Variants in SNX29 observed in about 807,000 individuals in gnomAD.
SNX29 encodes sorting nexin 29.
SNX29 carries 78 observed loss-of-function variants against 102.1 expected under a neutral mutation model. The ratio of observed to expected loss-of-function variants is 0.76; its 90% CI spans 0.64 to 0.92. The LOEUF (loss-of-function observed/expected upper bound fraction) is 0.92. Ranked by LOEUF, SNX29 falls within the 40% of genes least tolerant of loss-of-function variation. The pLI is 0.00. For synonymous variants in SNX29, 580 were observed against 414.5 expected, an observed-to-expected ratio of 1.40 and a Z score of -4.85; for missense variants, 1,280 against 1,061.7, an observed-to-expected ratio of 1.21 and a Z score of -2.86.
intron 19 of SNX29, among the ~76,000 whole-genome samples, chr16:12,501,521 A>T: frequency 6.6e-6 from 1 of 152,150 alleles, no homozygotes; most frequent in Non-Finnish European, 1.5e-5. Flanking sequence ...CAGGAGTTCA[A>T]GACCAGCCTG....
At chr16:11,995,641 A>T (rs1251229519) in intron 1 of SNX29, among the ~76,000 whole-genome samples, 2 of 142,256 alleles carry the variant, frequency 1.4e-5, no homozygotes, top group Non-Finnish European at 3.0e-5. Context: ...AGAGCAAAAT[A>T]CTCTTAAAAA....
chr16:12,060,574 G>T (rs1162799520), intron 8 of SNX29, among the ~76,000 whole-genome samples: 1 of 152,226 alleles, frequency 6.6e-6, no homozygotes, highest in African/African-American at 2.4e-5. Flanking sequence ...CTGTACTCCA[G>T]TGTGGACAAC....
At chr16:12,348,753 C>T (rs2081904604) in intron 15 of SNX29, among the ~76,000 whole-genome samples, 1 of 152,194 alleles carries the variant, frequency 6.6e-6, no homozygotes, top group Non-Finnish European at 1.5e-5. Context: ...AGTTCTGCTG[C>T]TTACTTCCTG....
chr16:12,445,372 C>T (rs2086003674), intron 18 of SNX29, among the ~76,000 whole-genome samples: 1 of 152,134 alleles, frequency 6.6e-6, no homozygotes, highest in Non-Finnish European at 1.5e-5. Flanking sequence ...CTCCTGTATG[C>T]TGAGCCGTCC....
chr16:12,228,013 C>T (rs955231036), intron 14 of SNX29, among the ~76,000 whole-genome samples: 7 of 151,952 alleles, frequency 4.6e-5, no homozygotes, highest in East Asian at 3.9e-4. Flanking sequence ...GGCTGGCCCA[C>T]GCCTGTAATC....
chr16:12,138,277 G>C (rs930884802), intron 13 of SNX29, among the ~76,000 whole-genome samples: 1 of 147,232 alleles, frequency 6.8e-6, no homozygotes, highest in Non-Finnish European at 1.5e-5. Context: ...GTGCGATCTC[G>C]GCTCACTGCA....
rs145443962 is a variant in SNX29, at chr16:12,291,073, A to G, written c.1782+13037A>G. Among the ~76,000 whole-genome samples the G allele has an allele frequency of 7.4e-3, 1,132 of 152,194 alleles. 17 individuals carry two copies. The highest frequency in any genetic ancestry group is 0.026 in the African/African-American group (1,067 of 41,508). Reference sequence around the variant, plus strand: ...TTGGCCTCAGGAAAAGTCTGGCTTTAGCTGTGGCAAATGCTTGATACTTGA... The same window carrying G: ...TTGGCCTCAGGAAAAGTCTGGCTTTGGCTGTGGCAAATGCTTGATACTTGA... On this transcript the variant is annotated intron_variant, in intron 15 of 20. Transcript: ENST00000566228.
chr16:12,549,002 C>T (rs535236199), intron 20 of SNX29, among the ~76,000 whole-genome samples: 7 of 152,302 alleles, frequency 4.6e-5, no homozygotes, highest in Admixed American at 2.0e-4. Context: ...GCTTTGGGTC[C>T]GTTGTAACAG....
chr16:12,106,250 G>A (rs1037566436), intron 11 of SNX29, among the ~76,000 whole-genome samples: 3 of 152,166 alleles, frequency 2.0e-5, no homozygotes, highest in African/African-American at 7.2e-5. Flanking sequence ...CATCGGTGGT[G>A]TGTCAGGCGG....
intron 15 of SNX29, among the ~76,000 whole-genome samples, chr16:12,308,121 A>G (rs568654283): frequency 7.9e-5 from 12 of 152,330 alleles, no homozygotes; most frequent in South Asian, 4.1e-4. Flanking sequence ...CTCACTGCTG[A>G]AGGTGATGCA....
At chr16:12,144,483 C>T (rs1402831460) in intron 13 of SNX29, among the ~76,000 whole-genome samples, 2 of 152,160 alleles carry the variant, frequency 1.3e-5, no homozygotes, top group Non-Finnish European at 2.9e-5. Flanking sequence ...GAGCGCTCCA[C>T]CCCCCATGGA....
intron 18 of SNX29, among the ~76,000 whole-genome samples, chr16:12,460,187 A>T (rs151172184): frequency 6.6e-6 from 1 of 152,122 alleles, no homozygotes; most frequent in African/African-American, 2.4e-5. Context: ...GCCGAATGAG[A>T]CTTCATCACC....
chr16:12,349,282 C>A (rs1263630944), intron 15 of SNX29, among the ~76,000 whole-genome samples: 1 of 152,230 alleles, frequency 6.6e-6, no homozygotes, highest in South Asian at 2.1e-4. Context: ...CACTGTCACT[C>A]CCTGGACCCA....
intron 15 of SNX29, among the ~76,000 whole-genome samples, chr16:12,295,260 C>T (rs2079941180): frequency 6.6e-6 from 1 of 152,214 alleles, no homozygotes; most frequent in Non-Finnish European, 1.5e-5. Flanking sequence ...CCTAGGATGA[C>T]AGGCAGCGGG....
intron 13 of SNX29, among the ~76,000 whole-genome samples, chr16:12,155,161 G>A (rs2055488185): frequency 6.6e-6 from 1 of 152,194 alleles, no homozygotes; most frequent in South Asian, 2.1e-4. Context: ...TCCGCGCCCA[G>A]GGGACTCTGG....
intron 13 of SNX29, among the ~76,000 whole-genome samples, chr16:12,186,871 A>T (rs1030993866): frequency 6.6e-6 from 1 of 152,230 alleles, no homozygotes; most frequent in African/African-American, 2.4e-5. Context: ...ATAAAGAGAC[A>T]CTATAGCAAG....
In SNX29 at chr16:12,383,296, G is replaced by C. The variant is rs114225274; in HGVS notation, c.1900-15150G>C. On this transcript the variant is annotated intron_variant, in intron 16 of 20. Transcript: ENST00000566228. Reference sequence around the variant, plus strand: ...GTCCTGTTGCCAAGCACTGGGATAGGTCTTGGGTATTCTGAGATAAGACAT... The same window carrying C: ...GTCCTGTTGCCAAGCACTGGGATAGCTCTTGGGTATTCTGAGATAAGACAT... Among the ~76,000 whole-genome samples the C allele has an allele frequency of 2.3e-3, 357 of 152,238 alleles. 4 individuals are homozygous for C. The highest frequency in any genetic ancestry group is 8.2e-3 in the African/African-American group (341 of 41,532).
At chr16:12,222,000 G>A (rs1459728230) in intron 14 of SNX29, among the ~76,000 whole-genome samples, 3 of 152,180 alleles carry the variant, frequency 2.0e-5, no homozygotes, top group African/African-American at 7.2e-5. Flanking sequence ...ACCTTTCCAC[G>A]TTAGGTAGAG....
intron 13 of SNX29, among the ~76,000 whole-genome samples, chr16:12,166,683 C>T (rs551467520): frequency 2.0e-5 from 3 of 152,154 alleles, no homozygotes; most frequent in Admixed American, 1.3e-4. Flanking sequence ...ATCCCGTGTA[C>T]CCACCCTCCT....
Sources: allele counts gnomAD v4.1 joint callset (sites outside exome capture counted in the v4.1 genomes callset), GRCh38; gene constraint gnomAD v4.1.1; transcripts MANE v1.5; gene names NCBI Gene and HGNC (gene_info 2026-07-23, HGNC 2026-07-21).